The following SVEP1 variants were observed in gnomAD, a reference collection of about 807,000 sequenced individuals.
The protein encoded by SVEP1 is sushi, von Willebrand factor type A, EGF and pentraxin domain containing 1, also known as sushi, von Willebrand factor type A, EGF and pentraxin domain-containing protein 1.
A neutral mutation model predicts 367.3 loss-of-function variants in SVEP1; 164 were observed. The observed-to-expected ratio is 0.45, with a 90% CI of 0.39 to 0.51. The LOEUF is 0.51. SVEP1 is among the 20% of genes least tolerant of loss of function. The pLI is 0.00. For synonymous variants in SVEP1, 1,666 were observed against 1,611.6 expected (o/e 1.03, Z -0.81); for missense variants, 4,117 against 4,425.3 (o/e 0.93, Z 1.98).
At chr9:110,387,776 G>T (rs1465961541) in intron 41 of SVEP1, among the ~76,000 whole-genome samples, 1 of 152,106 alleles carries the variant, frequency 6.6e-6, no homozygotes, top group Non-Finnish European at 1.5e-5. Flanking sequence ...GCTAACAATG[G>T]CCAAGAACTT....
At chr9:110,534,817 T>A (rs1398746866) in intron 3 of SVEP1, among the ~76,000 whole-genome samples, 1 of 152,198 alleles carries the variant, frequency 6.6e-6, no homozygotes, top group African/African-American at 2.4e-5. Flanking sequence ...GGTGCGTGTA[T>A]GCCTTTGAAA....
intron 26 of SVEP1, among the ~76,000 whole-genome samples, chr9:110,444,161 A>G (rs1828555900): frequency 6.6e-6 from 1 of 152,224 alleles, no homozygotes; most frequent in South Asian, 2.1e-4. Flanking sequence ...CAAACAAACA[A>G]TTAGTCTGTT....
intron 31 of SVEP1, 110 bp from the exon 32 acceptor site, chr9:110,432,144 T>C (rs1828359751): frequency 6.8e-6 from 8 of 1,180,142 alleles, no homozygotes; most frequent in Non-Finnish European, 9.3e-6. Flanking sequence ...CAACACTTCA[T>C]ATATTTGTAT....
intron 1 of SVEP1, among the ~76,000 whole-genome samples, chr9:110,574,252 C>T (rs1220315493): frequency 2.0e-5 from 3 of 152,206 alleles, no homozygotes; most frequent in African/African-American, 7.2e-5. Flanking sequence ...GCCTATGCAC[C>T]ATACATGTTT....
At chr9:110,576,651 G>A (rs1009123017) in intron 1 of SVEP1, among the ~76,000 whole-genome samples, 3 of 151,976 alleles carry the variant, frequency 2.0e-5, no homozygotes, top group African/African-American at 7.2e-5. Flanking sequence ...TTAAAAATCA[G>A]TGTTTCTATA....
At chr9:110,370,866 CTG>C (rs933427292) in intron 46 of SVEP1, among the ~76,000 whole-genome samples, 1 of 152,216 alleles carries the variant, frequency 6.6e-6, no homozygotes, top group African/African-American at 2.4e-5. Flanking sequence ...ATTCCAATAT[CTG>C]TAGCACAGAA....
At chr9:110,445,714 G>T in intron 26 of SVEP1, 123 bp downstream of exon 26, 1 of 1,021,984 alleles carries the variant, frequency 9.8e-7, no homozygotes, top group Non-Finnish European at 1.4e-6. Flanking sequence ...TTTGATTATT[G>T]ACACCCTGCT....
At chr9:110,411,024 T>A (rs1266440776) in intron 37 of SVEP1, 39 bp downstream of exon 37, 1 of 1,505,662 alleles carries the variant, frequency 6.6e-7, no homozygotes, top group Non-Finnish European at 8.9e-7. Flanking sequence ...ATGGGCCCTG[T>A]GACAAAAGCC....
intron 24 of SVEP1, among the ~76,000 whole-genome samples, chr9:110,448,375 G>A (rs1438869130): frequency 6.6e-6 from 1 of 152,202 alleles, no homozygotes; most frequent in Non-Finnish European, 1.5e-5. Context: ...CAATAAATGC[G>A]AGTTAATGTT....
chr9:110,479,338 C>G (rs909758277), intron 13 of SVEP1, among the ~76,000 whole-genome samples: 1 of 152,076 alleles, frequency 6.6e-6, no homozygotes, highest in Non-Finnish European at 1.5e-5. Context: ...AAAATACCAC[C>G]TACAATGTTT....
chr9:110,526,101 A>T (rs188387545), intron 3 of SVEP1, among the ~76,000 whole-genome samples: 2 of 152,280 alleles, frequency 1.3e-5, no homozygotes, highest in Admixed American at 6.5e-5. Context: ...CATAGGAGAA[A>T]ATCTTCAGGA....
At chr9:110,477,334 C>G (rs1324435153) in intron 13 of SVEP1, among the ~76,000 whole-genome samples, 1 of 152,168 alleles carries the variant, frequency 6.6e-6, no homozygotes, top group Non-Finnish European at 1.5e-5. Flanking sequence ...AATGTCTCCT[C>G]CCTTGCATGC....
At chr9:110,557,341 T>C (rs1199463717) in intron 1 of SVEP1, among the ~76,000 whole-genome samples, 1 of 152,232 alleles carries the variant, frequency 6.6e-6, no homozygotes, top group Non-Finnish European at 1.5e-5. Flanking sequence ...CTGTCTTTTA[T>C]ACAGTTCTCA....
intron 1 of SVEP1, among the ~76,000 whole-genome samples, chr9:110,557,500 C>CCT (rs1160749705): frequency 6.6e-6 from 1 of 150,498 alleles, no homozygotes; most frequent in African/African-American, 2.4e-5. Context: ...TCCCTCCCTC[C>CCT]CTCTCTCTCT....
chr9:110,391,597 G>C (rs1827656496), intron 40 of SVEP1, among the ~76,000 whole-genome samples: 1 of 152,068 alleles, frequency 6.6e-6, no homozygotes, highest in African/African-American at 2.4e-5. Flanking sequence ...ATTTGAAGAA[G>C]TATTAATAGA....
chr9:110,406,175 C>T lies in SVEP1; in HGVS notation c.9425G>A (p.Ser3142Asn). 3 of 1,572,274 alleles carry T rather than the reference C, an allele frequency of 1.9e-6. No homozygotes were observed. The highest frequency in any genetic ancestry group is 2.4e-5 in the South Asian group (2 of 84,078). ...ATGATCTTACCTGAGTTTCACTTCA[C>T]TTTCATAGGTGTGTGCCTCTCCAGT... The part of the protein sequence containing the change: ...VATGEAHTYE[S>N]EVKLRCLEGY... Residue 3142 changes from serine to asparagine, a missense_variant, in exon 38 of 48, where the codon AGT (serine) becomes AAT (asparagine). By Grantham distance (46) the Ser-to-Asn change is conservative. Around this residue, in one of 4 missense-constraint regions of SVEP1, gnomAD observed 1,765 missense variants for 1,781.1 expected, o/e 0.99. Transcript: ENST00000374469.
rs1171113786 is a variant in SVEP1, at chr9:110,408,279, G to A, written c.7321C>T (p.Pro2441Ser). The A allele has an allele frequency of 1.9e-6, 3 of 1,613,998 alleles. No individual in the cohort carries two copies. Among genetic ancestry groups the A allele is most frequent in the Non-Finnish European group, 2.5e-6 (3 of 1,179,888 alleles). Residue 2441 changes from proline to serine, a missense_variant, in exon 38 of 48, where the codon CCC (proline) becomes TCC (serine). By Grantham distance (74) the Pro-to-Ser change is moderately conservative. Transcript: ENST00000374469. ...CCATTGGGGATTTCCTCAGGTTGGG[G>A]ACATTCTACTGGAACACATTCTGGC... ...PLPECVPVEC[P>S]QPEEIPNGII...
intron 3 of SVEP1, among the ~76,000 whole-genome samples, chr9:110,516,083 G>GCTAAATCATTATAATATA (rs147054514): frequency 0.4 from 53,214 of 132,998 alleles, 13,265 homozygotes; most frequent in African/African-American, 0.47. Flanking sequence ...GGATGCTAAA[G>GCTAAATCATTATAATATA]CTAAATCATT....
intron 36 of SVEP1, among the ~76,000 whole-genome samples, chr9:110,423,725 T>G (rs1232814470): frequency 2.0e-5 from 3 of 152,156 alleles, no homozygotes; most frequent in Non-Finnish European, 4.4e-5. Flanking sequence ...AAGCCACAGA[T>G]AAGCAGAATA....
Sources: gnomAD v4.1 joint callset for allele counts (sites outside exome capture counted in the v4.1 genomes callset) on GRCh38, gnomAD v4.1.1 for gene constraint, gnomAD v4.1.1 regional missense constraint, MANE v1.5 for transcripts, NCBI Gene and HGNC (gene_info 2026-07-23, HGNC 2026-07-21) for gene names.